CNTNAP2: variants seen among roughly 807,000 people sequenced by gnomAD.
CNTNAP2 encodes the protein contactin associated protein 2.
CNTNAP2 carries 98 observed loss-of-function variants against 155.2 expected under a neutral mutation model. That is an observed-to-expected ratio of 0.63 (90% CI 0.54 to 0.75). CNTNAP2 has a LOEUF of 0.75. Ranked by LOEUF, CNTNAP2 falls within the 30% of genes least tolerant of loss-of-function variation. The pLI is 0.00. For missense variants in CNTNAP2, 1,727 were observed against 1,688.1 expected (o/e 1.02, Z -0.40); for synonymous variants, 651 against 631.2 (o/e 1.03, Z -0.47).
chr7:146,939,869 C>T (rs919705068), intron 3 of CNTNAP2, among the ~76,000 whole-genome samples: 1 of 150,276 alleles, frequency 6.7e-6, no homozygotes, highest in Non-Finnish European at 1.5e-5. Context: ...GTATTTCTTT[C>T]TTAACTTGGC....
At chr7:146,216,018 A>G (rs1234107617) in intron 1 of CNTNAP2, among the ~76,000 whole-genome samples, 1 of 152,224 alleles carries the variant, frequency 6.6e-6, no homozygotes, top group Non-Finnish European at 1.5e-5. Flanking sequence ...GCCAGTTGCT[A>G]AAGTCAAAAC....
chr7:146,334,533 C>T (rs1801242189), intron 1 of CNTNAP2, among the ~76,000 whole-genome samples: 1 of 151,330 alleles, frequency 6.6e-6, no homozygotes, highest in Admixed American at 6.6e-5. Context: ...CTCCTGTCTT[C>T]TTTCATGGCA....
chr7:148,373,620 C>G (rs1438013418), intron 21 of CNTNAP2, among the ~76,000 whole-genome samples: 1 of 152,202 alleles, frequency 6.6e-6, no homozygotes, highest in Non-Finnish European at 1.5e-5. Context: ...TGGTGCCTGA[C>G]TGTACTACTC....
At chr7:147,362,659 A>G (rs538315995) in intron 9 of CNTNAP2, among the ~76,000 whole-genome samples, 2 of 152,274 alleles carry the variant, frequency 1.3e-5, no homozygotes, top group African/African-American at 4.8e-5. Flanking sequence ...ATCTTTAACT[A>G]TTACAGTAGT....
chr7:147,603,593 C>T (rs968229708), intron 12 of CNTNAP2, among the ~76,000 whole-genome samples: 58 of 152,300 alleles, frequency 3.8e-4, no homozygotes, highest in African/African-American at 1.3e-3. Context: ...AATGGAAGAA[C>T]ATTCCATGCT....
chr7:148,328,641 C>A (rs1797933241), intron 21 of CNTNAP2, among the ~76,000 whole-genome samples: 1 of 152,042 alleles, frequency 6.6e-6, no homozygotes. Flanking sequence ...TATTCAAGTG[C>A]TCCAGGCACC....
At chr7:146,602,084 G>C (rs1325901505) in intron 1 of CNTNAP2, among the ~76,000 whole-genome samples, 1 of 152,104 alleles carries the variant, frequency 6.6e-6, no homozygotes, top group East Asian at 1.9e-4. Context: ...AAATTGACTT[G>C]AGTTAAATAA....
At chr7:146,987,472 ACT>A (rs1286715991) in intron 3 of CNTNAP2, among the ~76,000 whole-genome samples, 1 of 152,098 alleles carries the variant, frequency 6.6e-6, no homozygotes, top group Non-Finnish European at 1.5e-5. Flanking sequence ...GACATTTCAC[ACT>A]CTGAGATTAT....
At chr7:147,903,191 C>T (rs1799903058) in intron 13 of CNTNAP2, among the ~76,000 whole-genome samples, 1 of 152,070 alleles carries the variant, frequency 6.6e-6, no homozygotes. Context: ...GGTAGTATTG[C>T]ATTTTGGTTT....
intron 1 of CNTNAP2, among the ~76,000 whole-genome samples, chr7:146,417,370 T>C (rs1379536586): frequency 6.6e-6 from 1 of 152,202 alleles, no homozygotes; most frequent in African/African-American, 2.4e-5. Context: ...TTGCATGCCA[T>C]TTGTAAACTA....
intron 14 of CNTNAP2, among the ~76,000 whole-genome samples, chr7:147,935,010 T>A (rs1800578906): frequency 6.6e-6 from 1 of 152,234 alleles, no homozygotes; most frequent in South Asian, 2.1e-4. Context: ...AATTTTAAAG[T>A]TAACTTTTGT....
intron 15 of CNTNAP2, among the ~76,000 whole-genome samples, chr7:147,988,059 G>C (rs1456797735): frequency 6.6e-6 from 1 of 152,122 alleles, no homozygotes; most frequent in East Asian, 1.9e-4. Context: ...ACGTTGGTTT[G>C]GTCCAGAAAG....
intron 13 of CNTNAP2, chr7:147,704,691 A>G (rs1373473913): frequency 6.6e-6 from 1 of 152,248 alleles, no homozygotes; most frequent in East Asian, 1.9e-4. Context: ...AGAATTCAAC[A>G]TTGAAACCAT....
intron 1 of CNTNAP2, among the ~76,000 whole-genome samples, chr7:146,170,483 A>G (rs1166277251): frequency 1.3e-5 from 2 of 150,474 alleles, no homozygotes; most frequent in African/African-American, 5.0e-5. Context: ...TACTTGTTGT[A>G]TTAAAAATTA....
chr7:146,653,371 C>G (rs993795836), intron 1 of CNTNAP2, among the ~76,000 whole-genome samples: 2 of 151,966 alleles, frequency 1.3e-5, no homozygotes, highest in African/African-American at 4.8e-5. Flanking sequence ...TTTAGGCACC[C>G]CAAAATATAA....
chr7:147,684,891 T>TTGAA (rs201949725), intron 13 of CNTNAP2, among the ~76,000 whole-genome samples: 2,480 of 152,038 alleles, frequency 0.016, 218 homozygotes, highest in Admixed American at 0.15. Flanking sequence ...CACAAAGCAT[T>TTGAA]TGAGCACAAA....
intron 1 of CNTNAP2, among the ~76,000 whole-genome samples, chr7:146,539,250 C>T (rs1308744360): frequency 1.3e-5 from 2 of 151,974 alleles, no homozygotes; most frequent in Non-Finnish European, 2.9e-5. Flanking sequence ...CTATATCATG[C>T]TTCTTACAGC....
intron 8 of CNTNAP2, among the ~76,000 whole-genome samples, chr7:147,152,264 G>A (rs1801842296): frequency 6.6e-6 from 1 of 151,726 alleles, no homozygotes; most frequent in African/African-American, 2.4e-5. Context: ...CCTTCTGCTT[G>A]CTTAAATAAC....
intron 1 of CNTNAP2, among the ~76,000 whole-genome samples, chr7:146,210,402 C>T (rs1227229621): frequency 6.6e-6 from 1 of 152,146 alleles, no homozygotes; most frequent in Non-Finnish European, 1.5e-5. Context: ...CTCCCGGGTT[C>T]AAGTGATTCT....
Sources: allele counts gnomAD v4.1 joint callset (sites outside exome capture counted in the v4.1 genomes callset), GRCh38; gene constraint gnomAD v4.1.1; transcripts MANE v1.5; gene names NCBI Gene and HGNC (gene_info 2026-07-23, HGNC 2026-07-21).